KRIT1: variants seen among roughly 807,000 people sequenced by gnomAD.
KRIT1 encodes krev interaction trapped protein 1.
KRIT1 carries 45 observed loss-of-function variants against 95.8 expected under a neutral mutation model. The observed-to-expected ratio is 0.47, with a 90% confidence interval of 0.37 to 0.60. The LOEUF (loss-of-function observed/expected upper bound fraction) is 0.60. KRIT1 is among the 20% of genes least tolerant of loss of function. The probability of loss-of-function intolerance (pLI) is 0.00; values close to 1 mark genes in which losing one functional copy is unlikely to be tolerated. For synonymous variants in KRIT1, 282 were observed against 278.8 expected (o/e 1.01, Z -0.11); for missense variants, 788 against 877.5 (o/e 0.90, Z 1.29).
chr7:92,206,450 G>A (rs1438892275), intron 17 of KRIT1: 1 of 152,256 alleles, frequency 6.6e-6, no homozygotes, highest in East Asian at 1.9e-4. Context: ...AAGCCACTGA[G>A]GGACTCTCAG....
At chr7:92,227,996 G>C (rs1584925002) in intron 10 of KRIT1, among the ~76,000 whole-genome samples, 1 of 152,062 alleles carries the variant, frequency 6.6e-6, no homozygotes, top group African/African-American at 2.4e-5. Context: ...CTGGGTGACA[G>C]AGCAAGACTC....
At chr7:92,229,445 T>C (rs1242796645) in intron 10 of KRIT1, among the ~76,000 whole-genome samples, 4 of 152,054 alleles carry the variant, frequency 2.6e-5, no homozygotes, top group African/African-American at 4.8e-5. Flanking sequence ...TTAACAAATT[T>C]ACAAGAAAAA....
rs2131776472 is a variant in KRIT1, at chr7:92,242,191, G to A, written c.-2-54C>T. 22 of 997,744 alleles carry A rather than the reference G, an allele frequency of 2.2e-5. No individual in the cohort carries two copies. In the South Asian group the frequency reaches 2.3e-4, roughly 10 times the overall value. 61.8% of individuals were successfully genotyped at this position (997,744 alleles called of 1,614,324 possible). On this transcript the variant is annotated intron_variant, in intron 3 of 18. Coordinates refer to ENST00000394505, the MANE Select transcript of KRIT1 (RefSeq NM_194454.3). ...GAAAGATTAAATGACACATTTGATG[G>A]CAAGATAAAAAAAAGTAATGCATCT...
chr7:92,243,564 T>G (rs572789431), intron 3 of KRIT1, among the ~76,000 whole-genome samples: 97 of 152,170 alleles, frequency 6.4e-4, no homozygotes, highest in Non-Finnish European at 1.1e-3. Context: ...GGCGATAGAG[T>G]AATTTATCCT....
rs1461672769 is a variant in KRIT1 at position 92,200,232 on chromosome 7, G to A, written c.*504C>T. The A allele has an allele frequency of 1.9e-5, 3 of 155,156 alleles. No homozygotes were observed. Among genetic ancestry groups the A allele is most frequent in the Non-Finnish European group, 4.3e-5 (3 of 69,786 alleles). 9.6% of individuals were successfully genotyped at this position (155,156 alleles called of 1,614,324 possible). A position where few individuals can be genotyped will look rare whatever the true frequency, so the allele number is the denominator to read the frequency against. ...CTTTTTGTGTTTCTCTCAAAAATTA[G>A]AATAGCTTATGAGGATATTATATAA... On this transcript the variant is annotated 3_prime_UTR_variant, in exon 19 of 19. Transcript: ENST00000394505.
chr7:92,232,430 T>C (rs1210934339), intron 10 of KRIT1, among the ~76,000 whole-genome samples: 1 of 151,824 alleles, frequency 6.6e-6, no homozygotes, highest in African/African-American at 2.4e-5. Flanking sequence ...GAAACATAGG[T>C]ACATTCCAAA....
chr7:92,222,764 A>G, intron 13 of KRIT1, 58 bp downstream of exon 13: 1 of 1,029,334 alleles, frequency 9.7e-7, no homozygotes, highest in East Asian at 2.4e-5. Context: ...ATTTTCTACC[A>G]ACCCACTCCC....
intron 9 of KRIT1, 44 bp downstream of exon 9, chr7:92,234,764 G>GT (rs759771737): frequency 8.1e-7 from 1 of 1,227,356 alleles, no homozygotes; most frequent in East Asian, 2.3e-5. Flanking sequence ...AAATTAGAAT[G>GT]TAAGTTTTTA....
intron 8 of KRIT1, 113 bp downstream of exon 8, chr7:92,235,290 G>T: frequency 1.8e-6 from 2 of 1,102,224 alleles, no homozygotes; most frequent in Non-Finnish European, 2.7e-6. Flanking sequence ...GTGAGCCACT[G>T]TACCAGGCCT....
intron 12 of KRIT1, among the ~76,000 whole-genome samples, chr7:92,224,986 T>C (rs560497676): frequency 4.6e-5 from 7 of 151,728 alleles, no homozygotes; most frequent in African/African-American, 1.7e-4. Flanking sequence ...TGAAACCCCA[T>C]CTCTACTAAA....
chr7:92,225,801 A>G lies in KRIT1; in HGVS notation c.1173T>C (p.Ser391=). 1.2e-6 allele frequency: 2 copies of G among 1,608,148 alleles called. No homozygotes were observed. The highest frequency in any genetic ancestry group is 8.5e-7 in the Non-Finnish European group (1 of 1,174,734). The change falls in exon 12 of 19, where the codon TCT becomes TCC. Residue 391 remains serine (S), a synonymous_variant. Transcript: ENST00000394505. ...TGTTTTCTTCACAAATATTTAATGG[A>G]GATCTTCCTTGTTGGTCTGTTATAT... is the stretch of plus-strand genomic sequence containing the variant. ...DRHITDQQGR[S]PLNICEENKQ...
chr7:92,234,627 A>G (rs780420457), intron 9 of KRIT1, 35 bp from the exon 10 acceptor site: 1 of 1,579,142 alleles, frequency 6.3e-7, no homozygotes, highest in South Asian at 1.1e-5. Context: ...AAAATACAAC[A>G]GGACTGTAAA....
rs888520466 is a variant in KRIT1 at position 92,244,006 on chromosome 7, T to G, written c.-7A>C. 3 of 152,188 alleles carry G rather than the reference T, an allele frequency of 2.0e-5. No individual in the cohort carries two copies. The highest frequency in any genetic ancestry group is 2.0e-4 in the Admixed American group (3 of 15,284). 9.4% of individuals were successfully genotyped at this position (152,188 alleles called of 1,614,324 possible). ...AAAATCATTCTTAAAACCCACCTCA[T>G]GCAACAGACCTTCCTACATCATGTG... On this transcript the variant is annotated 5_prime_UTR_variant, in exon 3 of 19. It removes an upstream start codon present in the reference 5' UTR. Coordinates refer to ENST00000394505, the MANE Select transcript of KRIT1 (RefSeq NM_194454.3).
At chr7:92,238,449 T>C (rs1391856438) in intron 5 of KRIT1, among the ~76,000 whole-genome samples, 1 of 152,196 alleles carries the variant, frequency 6.6e-6, no homozygotes, top group Non-Finnish European at 1.5e-5. Context: ...GGCAGGTAAA[T>C]GATAAGACTT....
chr7:92,230,051 A>G (rs1425894298), intron 10 of KRIT1, among the ~76,000 whole-genome samples: 1 of 152,236 alleles, frequency 6.6e-6, no homozygotes, highest in Non-Finnish European at 1.5e-5. Context: ...GGGAAAAGAT[A>G]GTGAGGTAGC....
intron 10 of KRIT1, among the ~76,000 whole-genome samples, chr7:92,227,324 G>C (rs1371357735): frequency 6.6e-6 from 1 of 152,180 alleles, no homozygotes; most frequent in Admixed American, 6.5e-5. Context: ...CAGCACTTTG[G>C]GAGGCAGAGG....
At chr7:92,241,194 C>A in intron 4 of KRIT1, 42 bp from the exon 5 acceptor site, 1 of 1,405,426 alleles carries the variant, frequency 7.1e-7, no homozygotes, top group Non-Finnish European at 1.0e-6. Context: ...AAAATAAAGT[C>A]TACTTGCCCT....
intron 17 of KRIT1, among the ~76,000 whole-genome samples, chr7:92,204,467 ATATTG>A (rs1403627925): frequency 2.0e-5 from 3 of 151,822 alleles, no homozygotes; most frequent in Non-Finnish European, 4.4e-5. Context: ...TATTACTATT[ATATTG>A]TAATATGTAA....
intron 10 of KRIT1, among the ~76,000 whole-genome samples, chr7:92,230,647 G>A (rs1418518125): frequency 6.6e-6 from 1 of 152,242 alleles, no homozygotes; most frequent in Non-Finnish European, 1.5e-5. Context: ...CAAGAAGGAA[G>A]AGAATCATGC....
Sources: gnomAD v4.1 joint callset for allele counts (sites outside exome capture counted in the v4.1 genomes callset) on GRCh38, gnomAD v4.1.1 for gene constraint, MANE v1.5 for transcripts, NCBI Gene and HGNC (gene_info 2026-07-23, HGNC 2026-07-21) for gene names.